Variants in FAM78B observed in about 807,000 individuals in gnomAD.
FAM78B encodes family with sequence similarity 78 member B, also known as protein FAM78B.
In FAM78B, 10 loss-of-function variants were observed where a neutral mutation model predicts 20.0. That is an observed-to-expected ratio of 0.50 (90% CI 0.31 to 0.85). FAM78B has a LOEUF of 0.85. FAM78B is among the 40% of genes least tolerant of loss of function. The pLI is 0.05. For missense variants in FAM78B, 283 were observed against 345.0 expected (o/e 0.82, Z 1.42); for synonymous variants, 135 against 132.8 (o/e 1.02, Z -0.12).
At chr1:166,077,628 C>T in intron 1 of FAM78B, among the ~76,000 whole-genome samples, 1 of 138,064 alleles carries the variant, frequency 7.2e-6, no homozygotes, top group African/African-American at 2.7e-5. Context: ...ATATATAATA[C>T]ATATAATTAT....
Position 166,166,280 on chromosome 1 carries a change from G to C in FAM78B, c.-32C>G, listed in dbSNP as rs2101811774. On this transcript the variant is annotated 5_prime_UTR_variant, in exon 1 of 2. Transcript: ENST00000354422. The stretch of plus-strand genomic sequence containing the variant: ...GCCCGGTGCCGGCACGGCGCGGCGT[G>C]GGGCAGCGCGGGGGCCCGCGCGGGC... 8 of 1,230,790 alleles carry C rather than the reference G, an allele frequency of 6.5e-6. No individual in the cohort carries two copies. Among genetic ancestry groups the C allele is most frequent in the Non-Finnish European group, 8.1e-6 (8 of 985,110 alleles). The allele number at this position is 1,230,790 out of a possible 1,614,324, so 76.2% of individuals were successfully genotyped here.
chr1:166,140,744 C>T (rs946306825), intron 1 of FAM78B, among the ~76,000 whole-genome samples: 13 of 152,120 alleles, frequency 8.5e-5, no homozygotes, highest in African/African-American at 3.1e-4. Flanking sequence ...AACAAAGAAG[C>T]CTTTTTTGGG....
At chr1:166,132,169 G>C (rs1654899839) in intron 1 of FAM78B, among the ~76,000 whole-genome samples, 1 of 152,224 alleles carries the variant, frequency 6.6e-6, no homozygotes, top group African/African-American at 2.4e-5. Context: ...CATGTTTAGT[G>C]ATGTCCTATC....
intron 1 of FAM78B, among the ~76,000 whole-genome samples, chr1:166,159,681 GC>G (rs1465167516): frequency 6.6e-6 from 1 of 152,092 alleles, no homozygotes; most frequent in Non-Finnish European, 1.5e-5. Context: ...CCCATCCAGT[GC>G]CCTGGAATGC....
chr1:166,165,373 G>A (rs544005683), intron 1 of FAM78B, among the ~76,000 whole-genome samples: 138 of 152,256 alleles, frequency 9.1e-4, no homozygotes, highest in African/African-American at 3.3e-3. Flanking sequence ...AACTGGTCCA[G>A]GGGGCGCGGA....
intron 1 of FAM78B, among the ~76,000 whole-genome samples, chr1:166,100,996 TC>T (rs1218582062): frequency 2.0e-5 from 3 of 152,004 alleles, no homozygotes; most frequent in Admixed American, 1.3e-4. Context: ...AGACAAAACT[TC>T]CAGAGGAATG....
At chr1:166,072,719 G>A (rs1279336377) in intron 1 of FAM78B, among the ~76,000 whole-genome samples, 1 of 152,174 alleles carries the variant, frequency 6.6e-6, no homozygotes, top group African/African-American at 2.4e-5. Flanking sequence ...AGTCCCTGCT[G>A]GCCTTTGAGT....
chr1:166,092,587 A>T (rs1031035265), intron 1 of FAM78B, among the ~76,000 whole-genome samples: 9 of 151,952 alleles, frequency 5.9e-5, no homozygotes, highest in African/African-American at 1.9e-4. Flanking sequence ...AAGGTTGCAG[A>T]CTCTGATTCC....
At chr1:166,106,356 A>AG (rs1347248583) in intron 1 of FAM78B, among the ~76,000 whole-genome samples, 1 of 151,966 alleles carries the variant, frequency 6.6e-6, no homozygotes, top group Non-Finnish European at 1.5e-5. Flanking sequence ...AAATAAAAAA[A>AG]AAAGAAAATG....
intron 1 of FAM78B, among the ~76,000 whole-genome samples, chr1:166,102,443 G>A (rs1257324052): frequency 1.3e-5 from 2 of 152,196 alleles, no homozygotes; most frequent in Admixed American, 1.3e-4. Context: ...ACCCATCAGT[G>A]TGCTGTATTC....
chr1:166,164,751 G>C (rs1338184004), intron 1 of FAM78B: 1 of 152,132 alleles, frequency 6.6e-6, no homozygotes, highest in Non-Finnish European at 1.5e-5. Context: ...TTTTAAAATG[G>C]GAACTCCCCC....
intron 1 of FAM78B, among the ~76,000 whole-genome samples, chr1:166,104,123 T>G (rs1469964960): frequency 6.6e-6 from 1 of 152,202 alleles, no homozygotes. Context: ...TCTCAATAGA[T>G]GCAGAAAAGG....
chr1:166,104,033 G>T (rs1302410166), intron 1 of FAM78B, among the ~76,000 whole-genome samples: 2 of 152,202 alleles, frequency 1.3e-5, no homozygotes, highest in Non-Finnish European at 2.9e-5. Context: ...TCCCTGGGAT[G>T]CAAGGCTGGT....
At chr1:166,077,972 TA>T (rs55785305) in intron 1 of FAM78B, among the ~76,000 whole-genome samples, 119 of 1,262 alleles carry the variant, frequency 0.094, 14 homozygotes, top group Middle Eastern at 0.25. Flanking sequence ...ATATATATAA[TA>T]AATATATATA....
chr1:166,122,910 C>CT (rs1476740997), intron 1 of FAM78B, among the ~76,000 whole-genome samples: 1 of 152,142 alleles, frequency 6.6e-6, no homozygotes, highest in African/African-American at 2.4e-5. Flanking sequence ...TTATTCACAG[C>CT]TATCTGAGGC....
intron 1 of FAM78B, among the ~76,000 whole-genome samples, chr1:166,075,306 TCA>T (rs1317984979): frequency 6.6e-6 from 1 of 152,136 alleles, no homozygotes; most frequent in Non-Finnish European, 1.5e-5. Flanking sequence ...ACAGGAGGTG[TCA>T]CATATAAGAG....
intron 1 of FAM78B, among the ~76,000 whole-genome samples, chr1:166,081,493 C>T (rs898832300): frequency 6.6e-6 from 1 of 152,132 alleles, no homozygotes; most frequent in African/African-American, 2.4e-5. Context: ...AGCGCCTTAC[C>T]CCACACAGAG....
chr1:166,084,224 C>CAT (rs1652703370), intron 1 of FAM78B, among the ~76,000 whole-genome samples: 2 of 132,690 alleles, frequency 1.5e-5, no homozygotes, highest in African/African-American at 6.0e-5. Flanking sequence ...CACACACACA[C>CAT]ACACACACAC....
At chr1:166,156,587 T>C (rs911140308) in intron 1 of FAM78B, among the ~76,000 whole-genome samples, 2 of 152,238 alleles carry the variant, frequency 1.3e-5, no homozygotes, top group South Asian at 2.1e-4. Context: ...ACTGTTGTCC[T>C]ACATGTTTCA....
Sources: gnomAD v4.1 joint callset for allele counts (sites outside exome capture counted in the v4.1 genomes callset) on GRCh38, gnomAD v4.1.1 for gene constraint, MANE v1.5 for transcripts, NCBI Gene and HGNC (gene_info 2026-07-23, HGNC 2026-07-21) for gene names.